Variants in RTN1 observed in about 807,000 individuals in gnomAD.
RTN1 encodes reticulon 1.
A neutral mutation model predicts 65.5 loss-of-function variants in RTN1; 25 were observed. That is an observed-to-expected ratio of 0.38 (90% CI 0.28 to 0.53). The LOEUF is 0.53. RTN1 is among the 20% of genes least tolerant of loss of function. The pLI is 0.79. For missense variants in RTN1, 983 were observed against 1,025.4 expected (o/e 0.96, Z 0.57); for synonymous variants, 471 against 447.6 (o/e 1.05, Z -0.66).
chr14:59,792,944 T>G (rs1306292827), intron 1 of RTN1, among the ~76,000 whole-genome samples: 6 of 152,198 alleles, frequency 3.9e-5, no homozygotes, highest in African/African-American at 1.4e-4. Flanking sequence ...TGATCTATAT[T>G]ACTTCATGTG....
chr14:59,861,975 G>T (rs556421802), intron 1 of RTN1, among the ~76,000 whole-genome samples: 3 of 152,042 alleles, frequency 2.0e-5, no homozygotes, highest in African/African-American at 7.2e-5. Flanking sequence ...CAGAATCTAG[G>T]GGAGCTATTA....
chr14:59,680,061 T>C (rs765011844), intron 3 of RTN1, among the ~76,000 whole-genome samples: 2 of 152,132 alleles, frequency 1.3e-5, no homozygotes, highest in Non-Finnish European at 2.9e-5. Flanking sequence ...GCATTTACAA[T>C]ACCTCTGACA....
In RTN1 at chr14:59,870,034, A is replaced by T. The variant is rs1009528268; in HGVS notation, c.241+356T>A. Among the ~76,000 whole-genome samples, 4 of 152,154 alleles carry T rather than the reference A, an allele frequency of 2.6e-5. No homozygotes were observed. The highest frequency in any genetic ancestry group is 5.9e-5 in the Non-Finnish European group (4 of 68,020). On this transcript the variant is annotated intron_variant, in intron 1 of 8. Transcript: ENST00000267484. This position sits in a 1 kb window ranked among gnomAD's most constrained non-coding sequence, Gnocchi z 5.1. ...CCCCCCAAAATCCCCACAACCTGTCAAACGGGCCCTACAGCTCGGAGCCTC... is the reference window on the plus strand; with the variant it reads ...CCCCCCAAAATCCCCACAACCTGTCTAACGGGCCCTACAGCTCGGAGCCTC...
In RTN1 at chr14:59,846,924, T is replaced by C. The variant is rs1887421103; in HGVS notation, c.241+23466A>G. On this transcript the variant is annotated intron_variant, in intron 1 of 8. Coordinates refer to ENST00000267484, the MANE Select transcript of RTN1 (RefSeq NM_021136.3). The surrounding 1 kb of genome is among the most constrained non-coding windows in gnomAD (Gnocchi z 4.8). Reference sequence around the variant, plus strand: ...AAAGATAAATGCAAATGAAGAGCTCTGTACCCCTTCATCACCATTCTAGAA... The same window carrying C: ...AAAGATAAATGCAAATGAAGAGCTCCGTACCCCTTCATCACCATTCTAGAA... Among the ~76,000 whole-genome samples the C allele has an allele frequency of 6.6e-6, 1 of 152,196 alleles. No individual in the cohort carries two copies. Among genetic ancestry groups the C allele is most frequent in the Non-Finnish European group, 1.5e-5 (1 of 68,026 alleles).
chr14:59,663,325 C>T (rs1883291558), intron 3 of RTN1, among the ~76,000 whole-genome samples: 1 of 151,984 alleles, frequency 6.6e-6, no homozygotes, highest in South Asian at 2.1e-4. Context: ...AGAAGAAAAC[C>T]TAGGACATAG....
At chr14:59,663,731 C>T (rs1883302887) in intron 3 of RTN1, among the ~76,000 whole-genome samples, 1 of 152,106 alleles carries the variant, frequency 6.6e-6, no homozygotes, top group African/African-American at 2.4e-5. Context: ...AAAAAAAGCT[C>T]AGCATCACTG....
intron 3 of RTN1, among the ~76,000 whole-genome samples, chr14:59,667,210 A>G (rs937782280): frequency 2.6e-5 from 4 of 152,192 alleles, no homozygotes; most frequent in African/African-American, 7.2e-5. Context: ...AAAATCCTCA[A>G]TAAAATACTG....
chr14:59,710,035 C>CTCTT (rs1336099529), intron 3 of RTN1, among the ~76,000 whole-genome samples: 13 of 145,126 alleles, frequency 9.0e-5, no homozygotes, highest in African/African-American at 3.2e-4. Flanking sequence ...TCTCCTCTCC[C>CTCTT]TCTTTCTTTC....
At chr14:59,865,077 G>C (rs186074800) in intron 1 of RTN1, among the ~76,000 whole-genome samples, 3 of 152,232 alleles carry the variant, frequency 2.0e-5, no homozygotes, top group Admixed American at 6.5e-5. Context: ...ATCTGAAAAA[G>C]AGGGAAATAA....
At chr14:59,725,406 G>T (rs561813008) in intron 3 of RTN1, among the ~76,000 whole-genome samples, 1 of 152,318 alleles carries the variant, frequency 6.6e-6, no homozygotes. Flanking sequence ...ACTCAAGCTT[G>T]ACTGTTTTGG....
intron 1 of RTN1, among the ~76,000 whole-genome samples, chr14:59,832,506 G>A (rs896827265): frequency 1.1e-4 from 17 of 152,198 alleles, no homozygotes; most frequent in Admixed American, 9.8e-4. Flanking sequence ...GAGGCCTGAT[G>A]TTCCAGAGGA....
chr14:59,731,271 C>T (rs1444390292), intron 2 of RTN1, among the ~76,000 whole-genome samples: 4 of 152,022 alleles, frequency 2.6e-5, no homozygotes, highest in Non-Finnish European at 2.9e-5. Flanking sequence ...TATGTGAGCC[C>T]ATTCATATGA....
chr14:59,751,224 A>T (rs955298948), intron 1 of RTN1, among the ~76,000 whole-genome samples: 5 of 107,368 alleles, frequency 4.7e-5, no homozygotes, highest in East Asian at 2.7e-4. Flanking sequence ...TGCATATGGC[A>T]GCCCCTCTTT....
chr14:59,861,937 T>C (rs1178113490), intron 1 of RTN1, among the ~76,000 whole-genome samples: 3 of 152,202 alleles, frequency 2.0e-5, no homozygotes, highest in African/African-American at 7.2e-5. Context: ...CCCTTTAGTA[T>C]GAGAATCCAA....
At chr14:59,623,918 A>G (rs1453090546) in intron 3 of RTN1, among the ~76,000 whole-genome samples, 1 of 152,250 alleles carries the variant, frequency 6.6e-6, no homozygotes, top group East Asian at 1.9e-4. Context: ...ACCAAATTTG[A>G]AATTTGCCAA....
intron 1 of RTN1, among the ~76,000 whole-genome samples, chr14:59,750,408 A>T (rs1222172833): frequency 1.5e-5 from 1 of 65,042 alleles, no homozygotes; most frequent in Non-Finnish European, 2.6e-5. Context: ...TATATATATT[A>T]TATGTATAAT....
chr14:59,595,992 T>C lies in RTN1; in HGVS notation c.*753A>G, dbSNP rs1381853166. Reference sequence around the variant, plus strand: ...GAGAGGGAGAACATTCTACATTTAGTAACATTTATTTATGCATTCAGTATC... The same window carrying C: ...GAGAGGGAGAACATTCTACATTTAGCAACATTTATTTATGCATTCAGTATC... On this transcript the variant is annotated 3_prime_UTR_variant, in exon 9 of 9. Coordinates refer to ENST00000267484, the MANE Select transcript of RTN1 (RefSeq NM_021136.3). The C allele has an allele frequency of 6.6e-6, 1 of 152,670 alleles. No individual in the cohort carries two copies. The highest frequency in any genetic ancestry group is 1.5e-5 in the Non-Finnish European group (1 of 68,046). The allele number at this position is 152,670 out of a possible 1,614,324, so 9.5% of individuals were successfully genotyped here.
intron 3 of RTN1, among the ~76,000 whole-genome samples, chr14:59,679,563 C>G (rs1883701781): frequency 1.3e-5 from 2 of 152,268 alleles, no homozygotes; most frequent in South Asian, 2.1e-4. Context: ...AACAGTAAAA[C>G]AGCAGAGTAC....
intron 3 of RTN1, among the ~76,000 whole-genome samples, chr14:59,682,685 T>C (rs1209685392): frequency 6.6e-6 from 1 of 152,168 alleles, no homozygotes; most frequent in Non-Finnish European, 1.5e-5. Context: ...AACAATTGTC[T>C]CTAGGGAACA....
Sources: gnomAD v4.1 joint callset for allele counts (sites outside exome capture counted in the v4.1 genomes callset) on GRCh38, gnomAD v4.1.1 for gene constraint, Gnocchi (gnomAD v3.1) non-coding constraint, MANE v1.5 for transcripts, NCBI Gene and HGNC (gene_info 2026-07-23, HGNC 2026-07-21) for gene names.